Variants in ADAMTS18 observed in about 807,000 individuals in gnomAD.
The protein encoded by ADAMTS18 is A disintegrin and metalloproteinase with thrombospondin motifs 18.
Under a neutral mutation model 165.9 loss-of-function variants are expected in ADAMTS18, and 157 were observed. The observed-to-expected ratio is 0.95, with a 90% CI of 0.83 to 1.08. ADAMTS18 has a LOEUF of 1.08. ADAMTS18 is among the 50% of genes least tolerant of loss of function. The pLI is 0.00. For missense variants in ADAMTS18, 2,040 were observed against 1,534.0 expected (o/e 1.33, Z -5.51); for synonymous variants, 782 against 578.2 (o/e 1.35, Z -5.06).
intron 11 of ADAMTS18, among the ~76,000 whole-genome samples, chr16:77,339,087 A>G (rs569584125): frequency 6.6e-6 from 1 of 152,158 alleles, no homozygotes; most frequent in Non-Finnish European, 1.5e-5. Context: ...AGTTACAGAG[A>G]AACAAACAAA....
At chr16:77,395,179 CT>C (rs1431026580) in intron 3 of ADAMTS18, among the ~76,000 whole-genome samples, 1 of 152,168 alleles carries the variant, frequency 6.6e-6, no homozygotes, top group Non-Finnish European at 1.5e-5. Flanking sequence ...GGAAACTCTT[CT>C]TAGGTCTTTC....
At chr16:77,361,691 C>T (rs983896754) in intron 7 of ADAMTS18, among the ~76,000 whole-genome samples, 7 of 152,148 alleles carry the variant, frequency 4.6e-5, no homozygotes, top group Admixed American at 2.6e-4. Flanking sequence ...CGAGACCAGC[C>T]TGGCCAACAT....
At position 77,416,670 on chromosome 16, in the gene ADAMTS18, G is replaced by C. The variant is rs1445175681; in HGVS notation, c.495+14625C>G. ...ACCTCTTTCCTTTATAAATTACCCA[G>C]TCTTGGGTAATTTGTCTATTAGCAG... is the stretch of plus-strand genomic sequence containing the variant. On this transcript the variant is annotated intron_variant, in intron 3 of 22. Transcript: ENST00000282849. Among the ~76,000 whole-genome samples the C allele has an allele frequency of 3.3e-5, 5 of 152,080 alleles. No individual in the cohort carries two copies. In the East Asian group the frequency reaches 5.8e-4, roughly 18 times the overall value.
chr16:77,361,255 G>C (rs1284953593), intron 7 of ADAMTS18, among the ~76,000 whole-genome samples: 1 of 152,128 alleles, frequency 6.6e-6, no homozygotes, highest in African/African-American at 2.4e-5. Flanking sequence ...CACAGAGAAA[G>C]TTTGCTGACT....
chr16:77,393,515 GGATCTCCTGGGAAGTGATTA>G lies in ADAMTS18; in HGVS notation c.496-25812_496-25793del, dbSNP rs2057217573. ...ACCAAGATGATGGTCTTAGGAGGTA[GGATCTCCTGGGAAGTGATTA>G]GATCCAAAAGGCAGATGGAAAGATG... is the stretch of plus-strand genomic sequence containing the variant. On this transcript the variant is annotated intron_variant, in intron 3 of 22. Coordinates refer to ENST00000282849, the MANE Select transcript of ADAMTS18 (RefSeq NM_199355.4). Among the ~76,000 whole-genome samples, 4 of 152,148 alleles carry G rather than the reference GGATCTCCTGGGAAGTGATTA, an allele frequency of 2.6e-5. No individual in the cohort carries two copies. The South Asian group carries it at 8.3e-4, about 32-fold the overall frequency.
chr16:77,430,173 C>G (rs540534850), intron 3 of ADAMTS18, among the ~76,000 whole-genome samples: 1 of 151,594 alleles, frequency 6.6e-6, no homozygotes, highest in East Asian at 1.9e-4. Context: ...AACAAACAAA[C>G]AAAAAAACAA....
chr16:77,380,439 T>C (rs901691234), intron 3 of ADAMTS18, among the ~76,000 whole-genome samples: 5 of 152,222 alleles, frequency 3.3e-5, no homozygotes, highest in Non-Finnish European at 7.3e-5. Flanking sequence ...CATGGCTGTA[T>C]TCAAAACTCT....
intron 3 of ADAMTS18, among the ~76,000 whole-genome samples, chr16:77,373,806 G>A (rs2056911454): frequency 6.6e-6 from 1 of 152,108 alleles, no homozygotes; most frequent in Non-Finnish European, 1.5e-5. Flanking sequence ...CTTCAATAAG[G>A]AAACAAAATG....
At chr16:77,376,436 T>A (rs2056953677) in intron 3 of ADAMTS18, among the ~76,000 whole-genome samples, 1 of 152,140 alleles carries the variant, frequency 6.6e-6, no homozygotes, top group South Asian at 2.1e-4. Flanking sequence ...CAAGTCCACT[T>A]AGATGTGGCT....
At position 77,311,195 on chromosome 16, in the gene ADAMTS18, G is replaced by C. The variant is rs147650470; in HGVS notation, c.2532+8654C>G. 6.4e-4 allele frequency among the ~76,000 whole-genome samples: 98 copies of C among 152,310 alleles called. 1 individual carries two copies. The highest frequency in any genetic ancestry group is 2.2e-3 in the African/African-American group (91 of 41,564). On this transcript the variant is annotated intron_variant, in intron 16 of 22. Coordinates refer to ENST00000282849, the MANE Select transcript of ADAMTS18 (RefSeq NM_199355.4). ...AATTTTACATCATCATAAGGACTTA[G>C]TGAATATACAATAATTTTAGGTGGC...
At chr16:77,360,051 G>C (rs987283484) in intron 7 of ADAMTS18, among the ~76,000 whole-genome samples, 1 of 152,190 alleles carries the variant, frequency 6.6e-6, no homozygotes, top group Non-Finnish European at 1.5e-5. Context: ...ACAATACAGT[G>C]TGTGCGAACA....
At chr16:77,383,993 G>T (rs564066025) in intron 3 of ADAMTS18, among the ~76,000 whole-genome samples, 2 of 152,208 alleles carry the variant, frequency 1.3e-5, no homozygotes, top group South Asian at 2.1e-4. Context: ...ATCATGACAT[G>T]AGAGTGCCAC....
chr16:77,319,966 G>A lies in ADAMTS18; in HGVS notation c.2415C>T (p.Ser805=). ...AGGGGAACTCCCCAGGCCAGTCGAT[G>A]CTCCAGCCCCCGGTGAGGTAATACT... The part of the protein sequence containing the change: ...SQKYYLTGGW[S]IDWPGEFPFA... Residue 805 remains serine, a synonymous_variant, in exon 16 of 23, where the codon AGC becomes AGT. Coordinates refer to ENST00000282849, the MANE Select transcript of ADAMTS18 (RefSeq NM_199355.4). 1.2e-6 allele frequency: 2 copies of A among 1,614,202 alleles called. No homozygotes were observed. Among genetic ancestry groups the A allele is most frequent in the South Asian group, 1.1e-5 (1 of 91,080 alleles).
intron 16 of ADAMTS18, among the ~76,000 whole-genome samples, chr16:77,303,417 C>T (rs1480977114): frequency 6.6e-6 from 1 of 152,198 alleles, no homozygotes. Context: ...TGAAAGGCTG[C>T]TCATAGGGAA....
At chr16:77,390,519 G>A (rs529742988) in intron 3 of ADAMTS18, among the ~76,000 whole-genome samples, 11 of 152,080 alleles carry the variant, frequency 7.2e-5, no homozygotes, top group South Asian at 2.1e-4. Context: ...GTGAAATGCC[G>A]TCTCTACTAA....
At chr16:77,378,406 G>C (rs563764230) in intron 3 of ADAMTS18, among the ~76,000 whole-genome samples, 2 of 151,410 alleles carry the variant, frequency 1.3e-5, no homozygotes, top group Admixed American at 1.3e-4. Flanking sequence ...GATTAAATGA[G>C]TTAATACTTT....
At chr16:77,376,430 T>C (rs546500005) in intron 3 of ADAMTS18, among the ~76,000 whole-genome samples, 23 of 152,230 alleles carry the variant, frequency 1.5e-4, no homozygotes, top group African/African-American at 5.3e-4. Context: ...AGGCCCCAAG[T>C]CCACTTAGAT....
intron 3 of ADAMTS18, among the ~76,000 whole-genome samples, chr16:77,408,760 T>C (rs1396753543): frequency 6.6e-6 from 1 of 152,158 alleles, no homozygotes; most frequent in Non-Finnish European, 1.5e-5. Flanking sequence ...GGTGACATGA[T>C]ATATTTTCAT....
intron 3 of ADAMTS18, among the ~76,000 whole-genome samples, chr16:77,369,235 T>G (rs990743534): frequency 6.6e-6 from 1 of 152,242 alleles, no homozygotes; most frequent in East Asian, 1.9e-4. Context: ...TTTTAATCTT[T>G]TTTTCATAGT....
Sources: allele counts gnomAD v4.1 joint callset (sites outside exome capture counted in the v4.1 genomes callset), GRCh38; gene constraint gnomAD v4.1.1; transcripts MANE v1.5; gene names NCBI Gene and HGNC (gene_info 2026-07-23, HGNC 2026-07-21).